Variants in KMT2E observed in about 807,000 individuals in gnomAD.
KMT2E encodes lysine methyltransferase 2E (inactive), also known as histone reader KMT2E.
Under a neutral mutation model 184.6 loss-of-function variants are expected in KMT2E, and 30 were observed. The ratio of observed to expected loss-of-function variants is 0.16; its 90% CI spans 0.12 to 0.22. The LOEUF (loss-of-function observed/expected upper bound fraction) is 0.22, where lower values mean the gene tolerates loss of function less well. Ranked by LOEUF, KMT2E falls within the 10% of genes least tolerant of loss-of-function variation. The probability of loss-of-function intolerance (pLI) is 1.00; values close to 1 mark genes in which losing one functional copy is unlikely to be tolerated. For missense variants in KMT2E, 2,023 were observed against 2,237.4 expected (o/e 0.90, Z 1.93); for synonymous variants, 815 against 776.5 (o/e 1.05, Z -0.82).
chr7:105,077,682 A>G, intron 11 of KMT2E: 4 of 360,242 alleles, frequency 1.1e-5, no homozygotes, highest in Non-Finnish European at 2.0e-5. Context: ...TCCTAAAACA[A>G]TCTACTTCAA....
intron 17 of KMT2E, chr7:105,104,902 C>G (rs1798825861): frequency 6.6e-6 from 1 of 152,138 alleles, no homozygotes; most frequent in Non-Finnish European, 1.5e-5. Flanking sequence ...GGCACGGTGG[C>G]TCACACCTGT....
chr7:105,043,224 TA>T (rs1279388063), intron 3 of KMT2E, among the ~76,000 whole-genome samples: 2 of 151,916 alleles, frequency 1.3e-5, no homozygotes, highest in Non-Finnish European at 2.9e-5. Context: ...CTAACTTACT[TA>T]AATTTCTTTT....
At chr7:105,050,203 C>T (rs1248283136) in intron 3 of KMT2E, among the ~76,000 whole-genome samples, 2 of 152,172 alleles carry the variant, frequency 1.3e-5, no homozygotes, top group Admixed American at 1.3e-4. Context: ...CCTGTGTTGT[C>T]AAACTAATTG....
chr7:105,050,724 T>C (rs1298206127), intron 3 of KMT2E, among the ~76,000 whole-genome samples: 3 of 151,800 alleles, frequency 2.0e-5, no homozygotes, highest in Non-Finnish European at 4.4e-5. Context: ...TGTCTGTCTG[T>C]CTGTCTTTCT....
At chr7:105,102,270 G>C (rs1584797729) in intron 17 of KMT2E, 76 bp downstream of exon 17, 2 of 1,271,660 alleles carry the variant, frequency 1.6e-6, no homozygotes, top group Non-Finnish European at 2.1e-6. Context: ...TTAAAAATTG[G>C]ATTTTTAAGA....
chr7:105,039,084 A>G (rs1463225172), intron 2 of KMT2E: 1 of 152,208 alleles, frequency 6.6e-6, no homozygotes, highest in Non-Finnish European at 1.5e-5. Context: ...GTGATAGTTC[A>G]TTTAGTTAAT....
intron 1 of KMT2E, among the ~76,000 whole-genome samples, chr7:105,031,762 ATAAAT>A (rs1169279748): frequency 6.8e-6 from 1 of 147,160 alleles, no homozygotes; most frequent in South Asian, 2.1e-4. Flanking sequence ...AAATAAATAA[ATAAAT>A]TAAATAAATA....
At chr7:105,054,441 A>G (rs1796478703) in intron 3 of KMT2E, among the ~76,000 whole-genome samples, 1 of 150,428 alleles carries the variant, frequency 6.6e-6, no homozygotes, top group African/African-American at 2.5e-5. Context: ...TGTAAAAGCA[A>G]GTTGCTCTGT....
At chr7:105,106,384 T>A (rs894774998) in intron 19 of KMT2E, 138 bp from the exon 20 acceptor site, 4 of 821,748 alleles carry the variant, frequency 4.9e-6, no homozygotes, top group African/African-American at 3.4e-5. Context: ...ACCATTTTTT[T>A]AAAACCGTGA....
At chr7:105,028,084 TCTAC>T (rs1795244003) in intron 1 of KMT2E, among the ~76,000 whole-genome samples, 1 of 73,144 alleles carries the variant, frequency 1.4e-5, no homozygotes. Flanking sequence ...TAAATAAATA[TCTAC>T]ACTGTGTCTA....
chr7:105,068,624 G>GGTTTTTT (rs1797144682), intron 6 of KMT2E, among the ~76,000 whole-genome samples: 1 of 112,274 alleles, frequency 8.9e-6, no homozygotes, highest in African/African-American at 4.0e-5. Context: ...ACTAGTTGTG[G>GGTTTTTT]TTTTTTTTTT....
chr7:105,042,880 G>A (rs1348517592), intron 3 of KMT2E, among the ~76,000 whole-genome samples: 1 of 152,128 alleles, frequency 6.6e-6, no homozygotes, highest in Non-Finnish European at 1.5e-5. Flanking sequence ...ATAACAATTA[G>A]TATAACCTAT....
chr7:105,070,718 C>A (rs1193650667), intron 6 of KMT2E, among the ~76,000 whole-genome samples: 1 of 149,008 alleles, frequency 6.7e-6, no homozygotes, highest in East Asian at 2.0e-4. Context: ...GGGGCTGAGG[C>A]AGGAGGATTG....
At chr7:105,062,072 AT>A in intron 3 of KMT2E, 91 bp from the exon 4 acceptor site, 1 of 805,334 alleles carries the variant, frequency 1.2e-6, no homozygotes, top group Non-Finnish European at 2.2e-6. Flanking sequence ...TATAGCCATT[AT>A]TTTGCTGTAA....
chr7:105,085,389 A>G (rs2129568602), intron 13 of KMT2E, among the ~76,000 whole-genome samples: 1 of 152,252 alleles, frequency 6.6e-6, no homozygotes, highest in Admixed American at 6.5e-5. Context: ...TCTCTACTAA[A>G]AATACAAAAT....
At chr7:105,106,173 A>G (rs1402747541) in intron 19 of KMT2E, among the ~76,000 whole-genome samples, 170 bp downstream of exon 19, 1 of 152,218 alleles carries the variant, frequency 6.6e-6, no homozygotes, top group Non-Finnish European at 1.5e-5. Flanking sequence ...ATACCAGTTC[A>G]CAATACCACG....
chr7:105,083,721 C>T (rs1038340099), intron 13 of KMT2E, among the ~76,000 whole-genome samples: 10 of 151,984 alleles, frequency 6.6e-5, no homozygotes, highest in African/African-American at 2.4e-4. Context: ...TATGACTTTC[C>T]CCCCCCAGAA....
At chr7:105,032,223 C>G (rs891375562) in intron 1 of KMT2E, among the ~76,000 whole-genome samples, 5 of 151,930 alleles carry the variant, frequency 3.3e-5, no homozygotes, top group Non-Finnish European at 5.9e-5. Context: ...GCAGGCAGAT[C>G]ACCTGAGGTC....
In KMT2E at chr7:105,074,658, C is replaced by T. The variant is rs1257034380; in HGVS notation, c.572C>T (p.Ala191Val). 9.1e-6 allele frequency: 14 copies of T among 1,545,634 alleles called. No homozygotes were observed. The highest frequency in any genetic ancestry group is 1.2e-5 in the Non-Finnish European group (14 of 1,147,398). Residue 191 changes from alanine to valine, a missense_variant, in exon 8 of 27, where the codon GCA (alanine) becomes GTA (valine). Coordinates refer to ENST00000311117, the MANE Select transcript of KMT2E (RefSeq NM_182931.3). ...TTGTCTGAAGATGGTGATACCAGTG[C>T]AACTGAGAGTGGTGATGAGGTTCCT... is the stretch of plus-strand genomic sequence containing the variant. ...RENMSDGDTS[A>V]TESGDEVPVE...
Sources: gnomAD v4.1 joint callset for allele counts (sites outside exome capture counted in the v4.1 genomes callset) on GRCh38, gnomAD v4.1.1 for gene constraint, MANE v1.5 for transcripts, NCBI Gene and HGNC (gene_info 2026-07-23, HGNC 2026-07-21) for gene names.